Variants in OR52R1 observed in about 807,000 individuals in gnomAD.
OR52R1 encodes olfactory receptor family 52 subfamily R member 1.
For synonymous variants in OR52R1, 159 were observed against 150.1 expected (o/e 1.06, Z -0.43); for missense variants, 432 against 395.1 (o/e 1.09, Z -0.79).
rs928630204 is a variant in OR52R1 at position 4,803,854 on chromosome 11, G to T, written c.527C>A (p.Ala176Asp). 1.9e-6 allele frequency: 3 copies of T among 1,612,714 alleles called. No homozygotes were observed. The highest frequency in any genetic ancestry group is 2.5e-6 in the Non-Finnish European group (3 of 1,179,822). Residue 176 changes from alanine to aspartate, a missense_variant, in exon 1 of 1, where the codon GCC (alanine) becomes GAC (aspartate). Physicochemically the swap from Ala to Asp is moderately radical, Grantham distance 126. Transcript: ENST00000624978. ...GTGCTCACAGTATGACTGGGGAATG[G>T]CTTGGTGTTGGCAGAAGGGCATCCT... is the stretch of plus-strand genomic sequence containing the variant. ...VSRMPFCQHQ[A>D]IPQSYCEHMA...
In OR52R1 at chr11:4,803,847, G is replaced by C. The variant is rs766943848; in HGVS notation, c.534C>G (p.Pro178=). Reference sequence around the variant, plus strand: ...CAGCCATGTGCTCACAGTATGACTGGGGAATGGCTTGGTGTTGGCAGAAGG... The same window carrying C: ...CAGCCATGTGCTCACAGTATGACTGCGGAATGGCTTGGTGTTGGCAGAAGG... ...RMPFCQHQAI[P]QSYCEHMAVL... is the part of the protein sequence containing the mutation. The change falls in exon 1 of 1, where the codon CCC becomes CCG. Residue 178 remains proline (P), a synonymous_variant. Coordinates refer to ENST00000624978, the MANE Select transcript of OR52R1 (RefSeq NM_001005177.3). The C allele has an allele frequency of 1.2e-5, 19 of 1,612,698 alleles. No homozygotes were observed. Among genetic ancestry groups the C allele is most frequent in the Non-Finnish European group, 1.6e-5 (19 of 1,179,850 alleles).
chr11:4,803,961 G>A lies in OR52R1; in HGVS notation c.420C>T (p.Thr140=), dbSNP rs757396931. The part of the protein sequence containing the change: ...CFPLRHSSIL[T]PSVVIKLGTI... ...TCCCCAGTTTGATCACGACCGATGG[G>A]GTCAGGATGCTAGAGTGTCGGAGTG... The change falls in exon 1 of 1, where the codon ACC becomes ACT. Residue 140 remains threonine (T), a synonymous_variant. Transcript: ENST00000624978. 2 of 1,613,576 alleles carry A rather than the reference G, an allele frequency of 1.2e-6. No individual in the cohort carries two copies. Among genetic ancestry groups the A allele is most frequent in the South Asian group, 2.2e-5 (2 of 91,030 alleles).
rs1278219892 is a variant in OR52R1, at chr11:4,804,267, A to G, written c.114T>C (p.Tyr38=). 1.9e-6 allele frequency: 3 copies of G among 1,613,892 alleles called. No homozygotes were observed. The highest frequency in any genetic ancestry group is 2.5e-6 in the Non-Finnish European group (3 of 1,179,836). ...LWIAFPFCAT[Y]AVAVVGNITL... Reference sequence around the variant, plus strand: ...TGATATTTCCAACAACAGCCACAGCATACGTGGCACAGAACGGAAAGGCAA... The same window carrying G: ...TGATATTTCCAACAACAGCCACAGCGTACGTGGCACAGAACGGAAAGGCAA... The change falls in exon 1 of 1, where the codon TAT becomes TAC. Residue 38 remains tyrosine, a synonymous_variant. Transcript: ENST00000624978.
rs1380250956 is a variant in OR52R1, at chr11:4,803,920, C to T, written c.461G>A (p.Arg154Lys). 3 of 1,613,260 alleles carry T rather than the reference C, an allele frequency of 1.9e-6. No individual in the cohort carries two copies. The highest frequency in any genetic ancestry group is 1.1e-5 in the South Asian group (1 of 90,998). ...GAAGGGGCTCACCCACAGCAGCCCT[C>T]TCAGCATCACGATGGTCCCCAGTTT... The part of the protein sequence containing the change: ...VIKLGTIVML[R>K]GLLWVSPFCF... Residue 154 changes from arginine to lysine, a missense_variant, in exon 1 of 1, where the codon AGA becomes AAA. Physicochemically the swap from Arg to Lys is conservative, Grantham distance 26. Coordinates refer to ENST00000624978, the MANE Select transcript of OR52R1 (RefSeq NM_001005177.3).
rs1290094974 is a variant in OR52R1 at position 4,803,999 on chromosome 11, C to A, written c.382G>T (p.Ala128Ser). The change falls in exon 1 of 1, where the codon GCT (alanine) becomes TCT (serine). Residue 128 changes from alanine to serine, a missense_variant. Coordinates refer to ENST00000624978, the MANE Select transcript of OR52R1 (RefSeq NM_001005177.3). ...LMAMALDCYV[A>S]ICFPLRHSSI... ...GAGTGTCGGAGTGGGAAGCAGATAG[C>A]CACGTAGCAGTCCAGGGCCATAGCC... 1 of 1,613,804 alleles carries A rather than the reference C, an allele frequency of 6.2e-7. No individual in the cohort carries two copies. The highest frequency in any genetic ancestry group is 1.7e-5 in the Admixed American group (1 of 59,948).
chr11:4,804,100 T>G lies in OR52R1; in HGVS notation c.281A>C (p.Glu94Ala), dbSNP rs749161465. 1.2e-6 allele frequency: 2 copies of G among 1,613,912 alleles called. No homozygotes were observed. The highest frequency in any genetic ancestry group is 1.7e-6 in the Non-Finnish European group (2 of 1,180,004). The part of the protein sequence containing the change: ...MLAIFWFHAH[E>A]IQYHACLIQV... ...GATGAGGCAGGCATGGTACTGAATC[T>G]CATGAGCATGAAACCAGAATATGGC... Residue 94 changes from glutamate to alanine, a missense_variant, in exon 1 of 1, where the codon GAG becomes GCG. Coordinates refer to ENST00000624978, the MANE Select transcript of OR52R1 (RefSeq NM_001005177.3).
rs2133453956 is a variant in OR52R1, at chr11:4,803,560, A to C, written c.821T>G (p.Val274Gly). Reference protein sequence around the residue: ...TYRFGHDVPRVVHILFANLYL... With the variant: ...TYRFGHDVPRGVHILFANLYL... ...GAGATTAGCAAACAGGATGTGTACA[A>C]CTCGGGGCACATCATGGCCAAAGCG... Residue 274 changes from valine (V) to glycine (G), a missense_variant, in exon 1 of 1, where the codon GTT (valine) becomes GGT (glycine). By Grantham distance (109) the Val-to-Gly change is moderately radical. Transcript: ENST00000624978. 2 of 1,613,960 alleles carry C rather than the reference A, an allele frequency of 1.2e-6. No individual in the cohort carries two copies. The highest frequency in any genetic ancestry group is 1.7e-6 in the Non-Finnish European group (2 of 1,179,970).
chr11:4,804,294 C>T lies in OR52R1; in HGVS notation c.87G>A (p.Trp29Ter). The T allele has an allele frequency of 6.2e-7, 1 of 1,614,072 alleles. No homozygotes were observed. The highest frequency in any genetic ancestry group is 1.1e-5 in the South Asian group (1 of 91,084). Reference sequence around the variant, plus strand: ...ACGTGGCACAGAACGGAAAGGCAATCCACAACTGGAAACTCTCCAGGCCTG... The same window carrying T: ...ACGTGGCACAGAACGGAAAGGCAATTCACAACTGGAAACTCTCCAGGCCTG... ...GIPGLESFQL[W>*]IAFPFCATYA... The change falls in exon 1 of 1, where the codon TGG (tryptophan) becomes TGA (stop). Residue 29 changes from tryptophan (W) to a stop codon, truncating the protein, a stop_gained. Coordinates refer to ENST00000624978, the MANE Select transcript of OR52R1 (RefSeq NM_001005177.3). LOFTEE classifies it low-confidence loss of function (END_TRUNC).
chr11:4,804,230 C>T lies in OR52R1; in HGVS notation c.151G>A (p.Val51Ile), dbSNP rs758140019. ...AVVGNITLLH[V>I]IRIDHTLHEP... ...TGCAGGGTGTGGTCAATTCTGATTA[C>T]ATGGAGGAGAGTGATATTTCCAACA... Residue 51 changes from valine (V) to isoleucine (I), a missense_variant, in exon 1 of 1, where the codon GTA (valine) becomes ATA (isoleucine). Physicochemically the swap from Val to Ile is conservative, Grantham distance 29. Transcript: ENST00000624978. 6.2e-7 allele frequency: 1 copy of T among 1,613,966 alleles called. No individual in the cohort carries two copies. The highest frequency in any genetic ancestry group is 1.1e-5 in the South Asian group (1 of 91,066).
rs772092961 is a variant in OR52R1 at position 4,803,685 on chromosome 11, G to C, written c.696C>G (p.Pro232=). Residue 232 remains proline (P), a synonymous_variant, in exon 1 of 1, where the codon CCC becomes CCG. Transcript: ENST00000624978. ...AAGCTTTGAGGCGGGCTTCACCTGA[G>C]GGCAACTGAAGCACAGCTCTCAAAA... ...VMILRAVLQL[P]SGEARLKAFS... is the part of the protein sequence containing the mutation. 29 of 1,613,738 alleles carry C rather than the reference G, an allele frequency of 1.8e-5. No individual in the cohort carries two copies. In the South Asian group the frequency reaches 2.9e-4, roughly 16 times the overall value.
chr11:4,803,609 C>G lies in OR52R1; in HGVS notation c.772G>C (p.Ala258Pro), dbSNP rs1386961223. Residue 258 changes from alanine to proline, a missense_variant, in exon 1 of 1, where the codon GCC becomes CCC. Ala to Pro is a conservative substitution (Grantham distance 27, BLOSUM62 -1). Coordinates refer to ENST00000624978, the MANE Select transcript of OR52R1 (RefSeq NM_001005177.3). The stretch of plus-strand genomic sequence containing the variant: ...CGGTAGGTGAGGAAAGAAAAAAGGG[C>G]TGGGATATAAAGAGCCAAGATGACA... The part of the protein sequence containing the change: ...ICVILALYIP[A>P]LFSFLTYRFG... The G allele has an allele frequency of 6.2e-7, 1 of 1,613,902 alleles. No individual in the cohort carries two copies. Among genetic ancestry groups the G allele is most frequent in the Admixed American group, 1.7e-5 (1 of 59,984 alleles).
At position 4,803,838 on chromosome 11, in the gene OR52R1, G is replaced by A; in HGVS notation, c.543C>T (p.Tyr181=). 2.5e-6 allele frequency: 4 copies of A among 1,612,940 alleles called. No individual in the cohort carries two copies. The highest frequency in any genetic ancestry group is 3.4e-6 in the Non-Finnish European group (4 of 1,179,862). ...FCQHQAIPQS[Y]CEHMAVLKLV... The stretch of plus-strand genomic sequence containing the variant: ...ACTTCAGCACAGCCATGTGCTCACA[G>A]TATGACTGGGGAATGGCTTGGTGTT... Residue 181 remains tyrosine (Y), a synonymous_variant, in exon 1 of 1, where the codon TAC becomes TAT. Coordinates refer to ENST00000624978, the MANE Select transcript of OR52R1 (RefSeq NM_001005177.3).
In OR52R1 at chr11:4,803,962, G is replaced by T. The variant is rs1589905668; in HGVS notation, c.419C>A (p.Thr140Asn). ...CCCCAGTTTGATCACGACCGATGGG[G>T]TCAGGATGCTAGAGTGTCGGAGTGG... is the stretch of plus-strand genomic sequence containing the variant. ...CFPLRHSSIL[T>N]PSVVIKLGTI... The change falls in exon 1 of 1, where the codon ACC (threonine) becomes AAC (asparagine). Residue 140 changes from threonine (T) to asparagine (N), a missense_variant. Thr to Asn is a moderately conservative substitution (Grantham distance 65). Coordinates refer to ENST00000624978, the MANE Select transcript of OR52R1 (RefSeq NM_001005177.3). 1 of 1,613,660 alleles carries T rather than the reference G, an allele frequency of 6.2e-7. No individual in the cohort carries two copies. The highest frequency in any genetic ancestry group is 8.5e-7 in the Non-Finnish European group (1 of 1,179,966).
In OR52R1 at chr11:4,803,940, C is replaced by T. The variant is rs1232141321; in HGVS notation, c.441G>A (p.Leu147=). The part of the protein sequence containing the change: ...SILTPSVVIK[L]GTIVMLRGLL... ...GCCCTCTCAGCATCACGATGGTCCCCAGTTTGATCACGACCGATGGGGTCA... is the reference window on the plus strand; with the variant it reads ...GCCCTCTCAGCATCACGATGGTCCCTAGTTTGATCACGACCGATGGGGTCA... The change falls in exon 1 of 1, where the codon CTG becomes CTA. Residue 147 remains leucine, a synonymous_variant. Transcript: ENST00000624978. 1 of 1,613,378 alleles carries T rather than the reference C, an allele frequency of 6.2e-7. No individual in the cohort carries two copies. The highest frequency in any genetic ancestry group is 1.7e-5 in the Admixed American group (1 of 59,860).
In OR52R1 at chr11:4,803,571, A is replaced by G; in HGVS notation, c.810T>C (p.Asp270=). Residue 270 remains aspartate, a synonymous_variant, in exon 1 of 1, where the codon GAT becomes GAC. Coordinates refer to ENST00000624978, the MANE Select transcript of OR52R1 (RefSeq NM_001005177.3). ...FSFLTYRFGH[D]VPRVVHILFA... ...ACAGGATGTGTACAACTCGGGGCAC[A>G]TCATGGCCAAAGCGGTAGGTGAGGA... 6.2e-7 allele frequency: 1 copy of G among 1,614,104 alleles called. No individual in the cohort carries two copies. Among genetic ancestry groups the G allele is most frequent in the Non-Finnish European group, 8.5e-7 (1 of 1,180,012 alleles).
Position 4,804,101 on chromosome 11 carries a change from C to T in OR52R1, c.280G>A (p.Glu94Lys). The T allele has an allele frequency of 6.2e-7, 1 of 1,614,064 alleles. No homozygotes were observed. The highest frequency in any genetic ancestry group is 8.5e-7 in the Non-Finnish European group (1 of 1,180,006). ...ATGAGGCAGGCATGGTACTGAATCT[C>T]ATGAGCATGAAACCAGAATATGGCC... ...MLAIFWFHAH[E>K]IQYHACLIQV... Residue 94 changes from glutamate (E) to lysine (K), a missense_variant, in exon 1 of 1, where the codon GAG (glutamate) becomes AAG (lysine). Coordinates refer to ENST00000624978, the MANE Select transcript of OR52R1 (RefSeq NM_001005177.3).
rs746631412 is a variant in OR52R1, at chr11:4,804,237, G to T, written c.144C>A (p.Leu48=). ...TGTGGTCAATTCTGATTACATGGAG[G>T]AGAGTGATATTTCCAACAACAGCCA... The part of the protein sequence containing the change: ...YAVAVVGNIT[L]LHVIRIDHTL... The change falls in exon 1 of 1, where the codon CTC becomes CTA. Residue 48 remains leucine (L), a synonymous_variant. Transcript: ENST00000624978. 2 of 1,613,922 alleles carry T rather than the reference G, an allele frequency of 1.2e-6. No homozygotes were observed. Among genetic ancestry groups the T allele is most frequent in the Non-Finnish European group, 1.7e-6 (2 of 1,179,914 alleles).
chr11:4,803,710 A>G lies in OR52R1; in HGVS notation c.671T>C (p.Ile224Thr). 6.2e-7 allele frequency: 1 copy of G among 1,613,968 alleles called. No homozygotes were observed. Among genetic ancestry groups the G allele is most frequent in the East Asian group, 2.2e-5 (1 of 44,876 alleles). Residue 224 changes from isoleucine to threonine, a missense_variant, in exon 1 of 1, where the codon ATT becomes ACT. Physicochemically the swap from Ile to Thr is moderately conservative, Grantham distance 89 (BLOSUM62 -1). Transcript: ENST00000624978. Reference protein sequence around the residue: ...MIVIGMSYVMILRAVLQLPSG... With the variant: ...MIVIGMSYVMTLRAVLQLPSG... ...GGGCAACTGAAGCACAGCTCTCAAA[A>G]TCATCACGTATGACATACCAATGAC...
Position 4,803,844 on chromosome 11 carries a change from C to A in OR52R1, c.537G>T (p.Gln179His). Residue 179 changes from glutamine to histidine, a missense_variant, in exon 1 of 1, where the codon CAG (glutamine) becomes CAT (histidine). By Grantham distance (24) the Gln-to-His change is conservative. Transcript: ENST00000624978. ...GCACAGCCATGTGCTCACAGTATGA[C>A]TGGGGAATGGCTTGGTGTTGGCAGA... ...MPFCQHQAIP[Q>H]SYCEHMAVLK... 1 of 1,612,848 alleles carries A rather than the reference C, an allele frequency of 6.2e-7. No homozygotes were observed. The highest frequency in any genetic ancestry group is 1.1e-5 in the South Asian group (1 of 90,950).
Sources: gnomAD v4.1 joint callset for allele counts on GRCh38, gnomAD v4.1.1 for gene constraint, MANE v1.5 for transcripts, NCBI Gene and HGNC (gene_info 2026-07-23, HGNC 2026-07-21) for gene names.